GPR139: variants seen among roughly 807,000 people sequenced by gnomAD.
GPR139 encodes G protein-coupled receptor 139, also known as probable G protein-coupled receptor 139.
A neutral mutation model predicts 25.8 loss-of-function variants in GPR139; 12 were observed. The ratio of observed to expected loss-of-function variants is 0.47; its 90% confidence interval spans 0.30 to 0.75. The LOEUF (loss-of-function observed/expected upper bound fraction) is 0.75, where lower values mean the gene tolerates loss of function less well. GPR139 is among the 30% of genes least tolerant of loss of function. GPR139 has a pLI of 0.07. For missense variants in GPR139, 380 were observed against 450.2 expected (o/e 0.84, Z 1.41); for synonymous variants, 184 against 179.9 (o/e 1.02, Z -0.18).
At chr16:20,037,329 A>G (rs1348558669) in intron 1 of GPR139, among the ~76,000 whole-genome samples, 3 of 151,804 alleles carry the variant, frequency 2.0e-5, no homozygotes, top group Non-Finnish European at 4.4e-5. Flanking sequence ...GTGGGTGCCT[A>G]TAATCGCAGC....
intron 1 of GPR139, among the ~76,000 whole-genome samples, chr16:20,038,541 C>A (rs766715776): frequency 1.3e-5 from 2 of 152,070 alleles, no homozygotes; most frequent in Non-Finnish European, 2.9e-5. Flanking sequence ...GCTAGGTATT[C>A]ATATTTGACA....
chr16:20,032,984 A>G (rs181503050), intron 1 of GPR139, among the ~76,000 whole-genome samples: 111 of 148,404 alleles, frequency 7.5e-4, no homozygotes, highest in African/African-American at 2.4e-3. Context: ...TCACACAACC[A>G]TGAGTGGTGT....
Position 20,036,703 on chromosome 16 carries a change from G to T in GPR139, c.128-4034C>A, listed in dbSNP as rs976376753. 4.6e-5 allele frequency among the ~76,000 whole-genome samples: 7 copies of T among 152,326 alleles called. No individual in the cohort carries two copies. The East Asian group carries it at 9.6e-4, about 21-fold the overall frequency. ...CTGGGTCCCTCCTATGATACATGGG[G>T]ATTATGGGAGCTACATTTCAAGATG... On this transcript the variant is annotated intron_variant, in intron 1 of 1. Transcript: ENST00000570682.
chr16:20,054,537 A>G lies in GPR139; in HGVS notation c.127+18953T>C, dbSNP rs1000854422. Among the ~76,000 whole-genome samples, 20 of 152,272 alleles carry G rather than the reference A, an allele frequency of 1.3e-4. No individual in the cohort carries two copies. In the East Asian group the frequency reaches 3.7e-3, roughly 28 times the overall value. On this transcript the variant is annotated intron_variant, in intron 1 of 1. Coordinates refer to ENST00000570682, the MANE Select transcript of GPR139 (RefSeq NM_001002911.4). ...AAGCCCAGACGTATCAGTAATGGCT[A>G]GTTAGAATATAGAATGGGAAGAAGA...
At chr16:20,035,047 A>G (rs985935977) in intron 1 of GPR139, among the ~76,000 whole-genome samples, 2 of 152,194 alleles carry the variant, frequency 1.3e-5, no homozygotes, top group African/African-American at 4.8e-5. Context: ...GTGCATCCTC[A>G]TCTTTAACAG....
At chr16:20,051,778 C>A (rs1458957516) in intron 1 of GPR139, among the ~76,000 whole-genome samples, 2 of 152,184 alleles carry the variant, frequency 1.3e-5, no homozygotes, top group Non-Finnish European at 2.9e-5. Flanking sequence ...TAGTTTGCTT[C>A]CTCATGACTC....
chr16:20,060,256 G>A (rs1201672057), intron 1 of GPR139, among the ~76,000 whole-genome samples: 2 of 151,872 alleles, frequency 1.3e-5, no homozygotes, highest in Non-Finnish European at 2.9e-5. Flanking sequence ...GTGTGTGTGT[G>A]CGTGTGTGTG....
intron 1 of GPR139, among the ~76,000 whole-genome samples, chr16:20,072,969 C>T (rs1417714416): frequency 6.6e-6 from 1 of 152,148 alleles, no homozygotes; most frequent in Non-Finnish European, 1.5e-5. Flanking sequence ...ATTCCAGTGC[C>T]CCCCGAGCAA....
chr16:20,034,864 T>C (rs1162968650), intron 1 of GPR139, among the ~76,000 whole-genome samples: 1 of 152,134 alleles, frequency 6.6e-6, no homozygotes, highest in Non-Finnish European at 1.5e-5. Context: ...TTTATTTATT[T>C]ATTTATAATT....
chr16:20,073,762 C>T lies in GPR139; in HGVS notation c.-146G>A, dbSNP rs1596473511. The T allele has an allele frequency of 4.8e-6, 5 of 1,046,586 alleles. No individual in the cohort carries two copies. The highest frequency in any genetic ancestry group is 3.4e-5 in the South Asian group (2 of 58,686). The allele number at this position is 1,046,586 out of a possible 1,614,324, so 64.8% of individuals were successfully genotyped here. On this transcript the variant is annotated 5_prime_UTR_variant, in exon 1 of 2. Coordinates refer to ENST00000570682, the MANE Select transcript of GPR139 (RefSeq NM_001002911.4). The surrounding 1 kb of genome is among the most constrained non-coding windows in gnomAD (Gnocchi z 4.7). ...CGCAGGACTGGCTCCTACCCTTGGC[C>T]GTGATCCCCTCTGCTCGCTCCGCAC...
Position 20,030,631 on chromosome 16 carries a change from C to T in GPR139, c.*1104G>A, listed in dbSNP as rs542302117. 5.9e-5 allele frequency among the ~76,000 whole-genome samples: 9 copies of T among 152,290 alleles called. No homozygotes were observed. The highest frequency in any genetic ancestry group is 3.9e-4 in the East Asian group (2 of 5,176). ...TGAGCCATGTGCGTCAAAGGGCAGA[C>T]GAGGCGTCAGCATGGGCACCTTTTG... On this transcript the variant is annotated 3_prime_UTR_variant, in exon 2 of 2. Transcript: ENST00000570682.
intron 1 of GPR139, among the ~76,000 whole-genome samples, chr16:20,040,488 CAT>C (rs1336401427): frequency 3.3e-5 from 5 of 152,076 alleles, no homozygotes; most frequent in African/African-American, 1.2e-4. Flanking sequence ...TAGATTTTTC[CAT>C]ATGTCAATGA....
chr16:20,032,640 G>T lies in GPR139; in HGVS notation c.157C>A (p.Gln53Lys). Residue 53 changes from glutamine to lysine, a missense_variant, in exon 2 of 2, where the codon CAG becomes AAG. Coordinates refer to ENST00000570682, the MANE Select transcript of GPR139 (RefSeq NM_001002911.4). ...ANILTVIILS[Q>K]LVARRQKSSY... ...GACTTCTGTCTTCTTGCCACCAGCT[G>T]GGAGAGGATGATCACTGTCAAGATA... 6.2e-7 allele frequency: 1 copy of T among 1,609,116 alleles called. No individual in the cohort carries two copies.
At chr16:20,061,466 A>T (rs2057414262) in intron 1 of GPR139, among the ~76,000 whole-genome samples, 1 of 152,168 alleles carries the variant, frequency 6.6e-6, no homozygotes. Flanking sequence ...TGTATGTGTG[A>T]ATGGATGGCT....
intron 1 of GPR139, among the ~76,000 whole-genome samples, chr16:20,067,207 A>C (rs2057437685): frequency 6.6e-6 from 1 of 152,234 alleles, no homozygotes; most frequent in Non-Finnish European, 1.5e-5. Context: ...ACTGGATCCC[A>C]GCCCAAAGCC....
In GPR139 at chr16:20,031,381, G is replaced by T. The variant is rs938487074; in HGVS notation, c.*354C>A. ...CTGGGGCTTGGTAAGTCCCATAAAT[G>T]AAGGGTTCCCAGTGACTGTGGATGG... On this transcript the variant is annotated 3_prime_UTR_variant, in exon 2 of 2. Coordinates refer to ENST00000570682, the MANE Select transcript of GPR139 (RefSeq NM_001002911.4). 1 of 262,102 alleles carries T rather than the reference G, an allele frequency of 3.8e-6. No individual in the cohort carries two copies. The highest frequency in any genetic ancestry group is 7.3e-6 in the Non-Finnish European group (1 of 137,404). The allele number at this position is 262,102 out of a possible 1,614,324, so 16.2% of individuals were successfully genotyped here.
chr16:20,048,637 G>T (rs559387132), intron 1 of GPR139, among the ~76,000 whole-genome samples: 22 of 152,202 alleles, frequency 1.4e-4, no homozygotes, highest in Non-Finnish European at 2.9e-4. Flanking sequence ...AGCTCCACTT[G>T]GTAGTTTCCC....
chr16:20,039,265 C>A (rs1487343323), intron 1 of GPR139, among the ~76,000 whole-genome samples: 1 of 152,152 alleles, frequency 6.6e-6, no homozygotes, highest in Non-Finnish European at 1.5e-5. Context: ...CAGACCACAC[C>A]ACTGAATCGT....
At position 20,073,573 on chromosome 16, in the gene GPR139, G is replaced by T; in HGVS notation, c.44C>A (p.Ser15Tyr). 6.2e-7 allele frequency: 1 copy of T among 1,612,154 alleles called. No homozygotes were observed. Among genetic ancestry groups the T allele is most frequent in the Non-Finnish European group, 8.5e-7 (1 of 1,179,392 alleles). The part of the protein sequence containing the change: ...HAHLAANSSL[S>Y]WWSPGSACGL... Reference sequence around the variant, plus strand: ...GCAGGCCGAGCCGGGGGACCACCAAGACAGCGAGCTGTTGGCTGCGAGGTG... The same window carrying T: ...GCAGGCCGAGCCGGGGGACCACCAATACAGCGAGCTGTTGGCTGCGAGGTG... Residue 15 changes from serine (S) to tyrosine (Y), a missense_variant, in exon 1 of 2, where the codon TCT becomes TAT. Ser to Tyr is a moderately radical substitution (Grantham distance 144, BLOSUM62 -2). Coordinates refer to ENST00000570682, the MANE Select transcript of GPR139 (RefSeq NM_001002911.4). The surrounding 1 kb of genome is among the most constrained non-coding windows in gnomAD (Gnocchi z 4.7).
Sources: allele counts gnomAD v4.1 joint callset (sites outside exome capture counted in the v4.1 genomes callset), GRCh38; gene constraint gnomAD v4.1.1; non-coding constraint Gnocchi (gnomAD v3.1); transcripts MANE v1.5; gene names NCBI Gene and HGNC (gene_info 2026-07-23, HGNC 2026-07-21).